Variants in ACO1 observed in about 807,000 individuals in gnomAD.
ACO1 encodes aconitase 1, also known as cytoplasmic aconitate hydratase.
A neutral mutation model predicts 105.1 loss-of-function variants in ACO1; 78 were observed. The observed-to-expected ratio is 0.74, with a 90% CI of 0.62 to 0.90. The LOEUF (loss-of-function observed/expected upper bound fraction) is 0.90, where lower values mean the gene tolerates loss of function less well. ACO1 is among the 40% of genes least tolerant of loss of function. The pLI is 0.00. For synonymous variants in ACO1, 364 were observed against 397.4 expected, an observed-to-expected ratio of 0.92 and a Z score of 1.00; for missense variants, 965 against 1,111.1, an observed-to-expected ratio of 0.87 and a Z score of 1.87.
chr9:32,394,500 C>T (rs1015751604), intron 1 of ACO1, among the ~76,000 whole-genome samples: 4 of 151,616 alleles, frequency 2.6e-5, no homozygotes, highest in Admixed American at 6.6e-5. Context: ...AGGCCCAGGT[C>T]CCAGAAGTAT....
intron 19 of ACO1, among the ~76,000 whole-genome samples, chr9:32,448,230 A>C (rs1362693384): frequency 2.0e-5 from 3 of 152,070 alleles, no homozygotes; most frequent in Admixed American, 1.3e-4. Flanking sequence ...TTTTTTTCAG[A>C]GATGCCCTGC....
rs1203481656 is a variant in ACO1 at position 32,430,515 on chromosome 9, T to G, written c.1667T>G (p.Leu556Ter). ...TRANYLASPP[L>*]VIAYAIAGTI... ...GCCAACTATTTAGCCTCTCCCCCCT[T>G]AGTAATAGCATATGCAATTGCTGGA... Residue 556 changes from leucine to a stop codon, truncating the protein, a stop_gained, in exon 14 of 21, where the codon TTA becomes TGA. Coordinates refer to ENST00000309951, the MANE Select transcript of ACO1 (RefSeq NM_002197.3). LOFTEE classifies it high-confidence loss of function. 1 of 1,611,168 alleles carries G rather than the reference T, an allele frequency of 6.2e-7. No homozygotes were observed. Among genetic ancestry groups the G allele is most frequent in the Non-Finnish European group, 8.5e-7 (1 of 1,179,034 alleles).
intron 13 of ACO1, among the ~76,000 whole-genome samples, chr9:32,430,018 A>C (rs942186952): frequency 2.6e-5 from 4 of 152,226 alleles, no homozygotes; most frequent in African/African-American, 9.6e-5. Context: ...TTATCCCCAA[A>C]ATGCTGAACC....
chr9:32,421,105 G>C (rs1282281586), intron 8 of ACO1, 78 bp downstream of exon 8: 1 of 1,476,878 alleles, frequency 6.8e-7, no homozygotes, highest in African/African-American at 1.4e-5. Flanking sequence ...ACTGCCTTCT[G>C]CCTCTACCCA....
At chr9:32,418,643 G>GTT (rs1192618033) in intron 6 of ACO1, 132 bp downstream of exon 6, 2 of 1,019,386 alleles carry the variant, frequency 2.0e-6, no homozygotes, top group African/African-American at 3.2e-5. Flanking sequence ...TGTCACTGCT[G>GTT]TTTTTCCAGT....
chr9:32,405,111 C>A (rs10970963), intron 1 of ACO1, among the ~76,000 whole-genome samples: 6,597 of 152,192 alleles, frequency 0.043, 480 homozygotes, highest in African/African-American at 0.15. Context: ...GCATGTGAGA[C>A]GTAGTTCCCA....
Position 32,451,336 on chromosome 9 carries a change from G to A in ACO1, c.*1225G>A, listed in dbSNP as rs1822763225. ...GCCACCTTCTTGCTTGTTCTCACAT[G>A]GCATTTCTTTGGTATGTGCCTGGTG... On this transcript the variant is annotated 3_prime_UTR_variant, in exon 21 of 21. Coordinates refer to ENST00000309951, the MANE Select transcript of ACO1 (RefSeq NM_002197.3). The A allele has an allele frequency of 6.6e-6, 1 of 152,050 alleles. No homozygotes were observed. The highest frequency in any genetic ancestry group is 2.4e-5 in the African/African-American group (1 of 41,400). 9.4% of individuals were successfully genotyped at this position (152,050 alleles called of 1,614,324 possible).
chr9:32,391,542 G>T (rs1821267615), intron 1 of ACO1, among the ~76,000 whole-genome samples: 1 of 152,210 alleles, frequency 6.6e-6, no homozygotes, highest in African/African-American at 2.4e-5. Context: ...CATGAGTGCT[G>T]GTGTGGTTCT....
chr9:32,392,416 T>C (rs1821284838), intron 1 of ACO1, among the ~76,000 whole-genome samples: 1 of 152,210 alleles, frequency 6.6e-6, no homozygotes, highest in East Asian at 1.9e-4. Flanking sequence ...TTGGATTAGA[T>C]GCCTGGCACC....
intron 1 of ACO1, among the ~76,000 whole-genome samples, chr9:32,394,416 C>A (rs1821328759): frequency 6.6e-6 from 1 of 152,202 alleles, no homozygotes; most frequent in Non-Finnish European, 1.5e-5. Flanking sequence ...GGACTTTATC[C>A]CTTCATCCCA....
chr9:32,398,151 G>C (rs1368491007), intron 1 of ACO1, among the ~76,000 whole-genome samples: 2 of 152,150 alleles, frequency 1.3e-5, no homozygotes, highest in Non-Finnish European at 2.9e-5. Context: ...CTATGCCTCT[G>C]TCTGTATCAT....
Position 32,450,432 on chromosome 9 carries a change from T to C in ACO1, c.*321T>C, listed in dbSNP as rs561230312. ...TTGCTTTTTCACTGTTTCCTATTAA[T>C]CTTCAGCTGAACACAAGCAAACCTT... On this transcript the variant is annotated 3_prime_UTR_variant, in exon 21 of 21. Coordinates refer to ENST00000309951, the MANE Select transcript of ACO1 (RefSeq NM_002197.3). 5.2e-6 allele frequency: 2 copies of C among 382,888 alleles called. No homozygotes were observed. The highest frequency in any genetic ancestry group is 4.4e-5 in the South Asian group (2 of 45,804). The allele number at this position is 382,888 out of a possible 1,614,324, so 23.7% of individuals were successfully genotyped here.
At chr9:32,422,954 T>C (rs1365922975) in intron 8 of ACO1, among the ~76,000 whole-genome samples, 1 of 152,246 alleles carries the variant, frequency 6.6e-6, no homozygotes, top group Admixed American at 6.5e-5. Context: ...TGCTGAATCT[T>C]TGTGGCCAGT....
chr9:32,395,288 C>T (rs1166489795), intron 1 of ACO1, among the ~76,000 whole-genome samples: 1 of 152,106 alleles, frequency 6.6e-6, no homozygotes, highest in South Asian at 2.1e-4. Flanking sequence ...CCAGCCTGGC[C>T]AACATGGGGA....
intron 4 of ACO1, among the ~76,000 whole-genome samples, chr9:32,412,076 A>T (rs1286863599): frequency 1.3e-5 from 2 of 152,174 alleles, no homozygotes; most frequent in African/African-American, 4.8e-5. Context: ...CTTAATGGCC[A>T]ATAATGTTTA....
At chr9:32,396,258 C>T (rs1821370562) in intron 1 of ACO1, among the ~76,000 whole-genome samples, 1 of 152,186 alleles carries the variant, frequency 6.6e-6, no homozygotes, top group Non-Finnish European at 1.5e-5. Context: ...ACAGTCTAAA[C>T]CAGATGACAG....
chr9:32,429,602 G>A, intron 13 of ACO1, 99 bp downstream of exon 13: 1 of 1,062,596 alleles, frequency 9.4e-7, no homozygotes. Flanking sequence ...TGGAAGCAGG[G>A]GATGTGGTTT....
At chr9:32,402,768 G>T (rs939206398) in intron 1 of ACO1, among the ~76,000 whole-genome samples, 1 of 152,186 alleles carries the variant, frequency 6.6e-6, no homozygotes, top group Admixed American at 6.5e-5. Flanking sequence ...GCTTTGTCTT[G>T]GAGTTACTAA....
At chr9:32,436,832 T>C (rs939720290) in intron 18 of ACO1, among the ~76,000 whole-genome samples, 3 of 152,204 alleles carry the variant, frequency 2.0e-5, no homozygotes, top group Non-Finnish European at 4.4e-5. Context: ...GGTCAGTATG[T>C]TGCAGCAGGG....
Sources: allele counts gnomAD v4.1 joint callset (sites outside exome capture counted in the v4.1 genomes callset), GRCh38; gene constraint gnomAD v4.1.1; transcripts MANE v1.5; gene names NCBI Gene and HGNC (gene_info 2026-07-23, HGNC 2026-07-21).